Variants in SH2D3C observed in about 807,000 individuals in gnomAD.
SH2D3C encodes the protein SH2 domain-containing protein 3C.
Under a neutral mutation model 75.2 loss-of-function variants are expected in SH2D3C, and 25 were observed. The ratio of observed to expected loss-of-function variants is 0.33; its 90% CI spans 0.24 to 0.46. SH2D3C has a LOEUF of 0.46. Ranked by LOEUF, SH2D3C falls within the 20% of genes least tolerant of loss-of-function variation. SH2D3C has a pLI of 1.00. For synonymous variants in SH2D3C, 450 were observed against 473.7 expected (o/e 0.95, Z 0.65); for missense variants, 933 against 1,165.3 (o/e 0.80, Z 2.90).
rs1325870709 is a variant in SH2D3C, at chr9:127,738,809, G to A, written c.2520C>T (p.Phe840=). Residue 840 remains phenylalanine (F), a synonymous_variant, in exon 12 of 12, where the codon TTC becomes TTT. Transcript: ENST00000314830. The surrounding 1 kb of genome is among the most constrained non-coding windows in gnomAD (Gnocchi z 5.0). Reference sequence around the variant, plus strand: ...GGGACAGGGCAGTGAGGACCTTGTCGAACTTCTCATAGCGCCGGGCCTGGC... The same window carrying A: ...GGGACAGGGCAGTGAGGACCTTGTCAAACTTCTCATAGCGCCGGGCCTGGC... ...SSSQARRYEK[F]DKVLTALSHK... 8 of 1,608,600 alleles carry A rather than the reference G, an allele frequency of 5.0e-6. No individual in the cohort carries two copies. The highest frequency in any genetic ancestry group is 3.4e-5 in the Admixed American group (2 of 59,064).
intron 5 of SH2D3C, among the ~76,000 whole-genome samples, chr9:127,748,746 T>A (rs988803699): frequency 4.6e-5 from 7 of 152,134 alleles, no homozygotes; most frequent in African/African-American, 1.7e-4. Context: ...GTGATTAAAA[T>A]TTGCTGAGAA....
chr9:127,774,856 G>A lies in SH2D3C; in HGVS notation c.38-389C>T, dbSNP rs994736704. ...TGTAATCCCAGCACTTTGGGAGGCC[G>A]AGGCGGGTGGATCACCTGAGGTCAG... On this transcript the variant is annotated intron_variant, in intron 1 of 11. Coordinates refer to ENST00000314830, the MANE Select transcript of SH2D3C (RefSeq NM_170600.3). This position sits in a 1 kb window ranked among gnomAD's most constrained non-coding sequence, Gnocchi z 4.3. Among the ~76,000 whole-genome samples the A allele has an allele frequency of 1.2e-4, 19 of 152,312 alleles. No individual in the cohort carries two copies. Among genetic ancestry groups the A allele is most frequent in the African/African-American group, 4.3e-4 (18 of 41,558 alleles).
In SH2D3C at chr9:127,742,881, A is replaced by T; in HGVS notation, c.1884T>A (p.His628Gln). The T allele has an allele frequency of 6.2e-7, 1 of 1,613,786 alleles. No homozygotes were observed. The highest frequency in any genetic ancestry group is 8.5e-7 in the Non-Finnish European group (1 of 1,179,862). ...GCAGGTCTAGGCGTAGCTGCCGGCC[A>T]TGGGGGAGGGTGAGCAGTTCCATGC... ...RWGMELLTLP[H>Q]GRQLRLDLLE... is the part of the protein sequence containing the mutation. Residue 628 changes from histidine to glutamine, a missense_variant, in exon 8 of 12, where the codon CAT becomes CAA. Physicochemically the swap from His to Gln is conservative, Grantham distance 24. Transcript: ENST00000314830.
chr9:127,762,768 T>C (rs1845559659), intron 2 of SH2D3C, among the ~76,000 whole-genome samples: 1 of 152,236 alleles, frequency 6.6e-6, no homozygotes, highest in Admixed American at 6.5e-5. Flanking sequence ...AACCTAAGCA[T>C]TTGATGGCAA....
intron 3 of SH2D3C, among the ~76,000 whole-genome samples, chr9:127,758,650 C>T (rs1271961413): frequency 6.6e-6 from 1 of 152,174 alleles, no homozygotes; most frequent in Non-Finnish European, 1.5e-5. Flanking sequence ...CTGACTTTGT[C>T]CACACTCCTG....
At chr9:127,758,096 G>A (rs1845441287) in intron 3 of SH2D3C, among the ~76,000 whole-genome samples, 1 of 151,972 alleles carries the variant, frequency 6.6e-6, no homozygotes, top group African/African-American at 2.4e-5. Context: ...GATTACAGGT[G>A]TGAGCCCAGG....
chr9:127,741,724 C>G, intron 9 of SH2D3C, 64 bp downstream of exon 9: 2 of 1,552,410 alleles, frequency 1.3e-6, no homozygotes, highest in Non-Finnish European at 1.7e-6. Flanking sequence ...ACAGCCATCC[C>G]AAAGGCACCC....
chr9:127,773,316 C>T (rs925618433), intron 2 of SH2D3C, among the ~76,000 whole-genome samples: 3 of 152,048 alleles, frequency 2.0e-5, no homozygotes, highest in Non-Finnish European at 4.4e-5. Flanking sequence ...TGATGATTTG[C>T]GTGAGGGGGT....
intron 6 of SH2D3C, among the ~76,000 whole-genome samples, chr9:127,746,589 G>T (rs993480501): frequency 6.6e-6 from 1 of 152,134 alleles, no homozygotes. Context: ...GATCACCTGA[G>T]GTCAGGAGTT....
chr9:127,754,290 G>A lies in SH2D3C; in HGVS notation c.556-2990C>T, dbSNP rs1845291094. ...TCCGCGAGCGTGTGTGAGCCTGGGG[G>A]AGCGAAGAGCCGACGCGCCTGGCAT... On this transcript the variant is annotated intron_variant, in intron 3 of 11. Coordinates refer to ENST00000314830, the MANE Select transcript of SH2D3C (RefSeq NM_170600.3). This position sits in a 1 kb window ranked among gnomAD's most constrained non-coding sequence, Gnocchi z 4.4. 6.6e-6 allele frequency among the ~76,000 whole-genome samples: 1 copy of A among 152,120 alleles called. No individual in the cohort carries two copies. Among genetic ancestry groups the A allele is most frequent in the Non-Finnish European group, 1.5e-5 (1 of 67,970 alleles).
chr9:127,747,119 C>T, intron 6 of SH2D3C, 28 bp downstream of exon 6: 1 of 1,606,180 alleles, frequency 6.2e-7, no homozygotes, highest in Non-Finnish European at 8.5e-7. Context: ...ATTCCCTCCA[C>T]CTGCTCCACC....
intron 3 of SH2D3C, among the ~76,000 whole-genome samples, chr9:127,757,645 G>GATTATTATT (rs71380087): frequency 1.6e-3 from 197 of 121,490 alleles, no homozygotes; most frequent in Middle Eastern, 7.5e-3. Flanking sequence ...TGATGATGAT[G>GATTATTATT]ATTATTATTA....
chr9:127,770,009 T>C (rs1256673801), intron 2 of SH2D3C, among the ~76,000 whole-genome samples: 1 of 151,854 alleles, frequency 6.6e-6, no homozygotes. Context: ...GGGTAGGGAG[T>C]GCTGGGGCTT....
intron 2 of SH2D3C, among the ~76,000 whole-genome samples, chr9:127,768,707 C>T (rs1845679539): frequency 6.6e-6 from 1 of 152,228 alleles, no homozygotes; most frequent in African/African-American, 2.4e-5. Context: ...GAGCCAAAGC[C>T]AGGTCCTTGC....
At chr9:127,771,378 C>T in intron 2 of SH2D3C, 3 of 1,339,288 alleles carry the variant, frequency 2.2e-6, no homozygotes, top group Non-Finnish European at 2.9e-6. Context: ...CGCCCCTGCG[C>T]TCCTTGCCCG....
At chr9:127,761,713 T>A in intron 2 of SH2D3C, 63 bp from the exon 3 acceptor site, 1 of 1,434,782 alleles carries the variant, frequency 7.0e-7, no homozygotes. Flanking sequence ...TGCCGGTCTC[T>A]TGCCTGCCTG....
At chr9:127,748,541 G>A (rs528238269) in intron 5 of SH2D3C, among the ~76,000 whole-genome samples, 5 of 152,276 alleles carry the variant, frequency 3.3e-5, no homozygotes, top group South Asian at 2.1e-4. Context: ...TCTAGCAAGC[G>A]GCTTCCCCCC....
chr9:127,765,998 G>A (rs185666763), intron 2 of SH2D3C, among the ~76,000 whole-genome samples: 45 of 152,260 alleles, frequency 3.0e-4, no homozygotes, highest in Non-Finnish European at 5.6e-4. Context: ...GCATACATTA[G>A]CTTAATTAAT....
chr9:127,771,362 C>G, intron 2 of SH2D3C: 3 of 1,352,046 alleles, frequency 2.2e-6, no homozygotes, highest in Non-Finnish European at 1.9e-6. Flanking sequence ...ACCACGCCCC[C>G]AGACACGCCC....
Sources: gnomAD v4.1 joint callset for allele counts (sites outside exome capture counted in the v4.1 genomes callset) on GRCh38, gnomAD v4.1.1 for gene constraint, Gnocchi (gnomAD v3.1) non-coding constraint, MANE v1.5 for transcripts, NCBI Gene and HGNC (gene_info 2026-07-23, HGNC 2026-07-21) for gene names.